Variants in RBMS1 observed in about 807,000 individuals in gnomAD.
RBMS1 encodes RNA binding motif single stranded interacting protein 1.
RBMS1 carries 17 observed loss-of-function variants against 62.3 expected under a neutral mutation model. That is an observed-to-expected ratio of 0.27 (90% CI 0.19 to 0.41). The LOEUF (loss-of-function observed/expected upper bound fraction) is 0.41. Ranked by LOEUF, RBMS1 falls within the 10% of genes least tolerant of loss-of-function variation. RBMS1 has a pLI of 1.00. For synonymous variants in RBMS1, 172 were observed against 170.0 expected, an observed-to-expected ratio of 1.01 and a Z score of -0.09; for missense variants, 334 against 504.5, an observed-to-expected ratio of 0.66 and a Z score of 3.24.
intron 1 of RBMS1, among the ~76,000 whole-genome samples, chr2:160,381,797 A>C (rs1694297866): frequency 6.6e-6 from 1 of 152,238 alleles, no homozygotes; most frequent in African/African-American, 2.4e-5. Flanking sequence ...TTGGCTCAAG[A>C]AACTGGTTGC....
chr2:160,436,370 C>T (rs549826190), intron 1 of RBMS1, among the ~76,000 whole-genome samples: 1 of 152,222 alleles, frequency 6.6e-6, no homozygotes, highest in Admixed American at 6.5e-5. Context: ...AACAATAAAG[C>T]AAGGGGCACC....
At position 160,284,813 on chromosome 2, in the gene RBMS1, T is replaced by C. The variant is rs763953512; in HGVS notation, c.862A>G (p.Ile288Val). The part of the protein sequence containing the change: ...ATNRMITQTS[I>V]TPYIASPVSA... ...ACAGGAGATGCAATATAGGGTGTAATAGAAGTTTGAGTGATCATTCGGTTT... is the reference window on the plus strand; with the variant it reads ...ACAGGAGATGCAATATAGGGTGTAACAGAAGTTTGAGTGATCATTCGGTTT... The change falls in exon 9 of 14, where the codon ATT (isoleucine) becomes GTT (valine). Residue 288 changes from isoleucine (I) to valine (V), a missense_variant. Transcript: ENST00000348849. 7.5e-6 allele frequency: 12 copies of C among 1,610,292 alleles called. No homozygotes were observed. The highest frequency in any genetic ancestry group is 3.3e-5 in the Admixed American group (2 of 59,998).
At chr2:160,383,111 T>G (rs1694364081) in intron 1 of RBMS1, among the ~76,000 whole-genome samples, 1 of 152,136 alleles carries the variant, frequency 6.6e-6, no homozygotes, top group Admixed American at 6.5e-5. Context: ...CTGGGTAGAT[T>G]AAAACAACAG....
At chr2:160,302,388 TCTCA>T (rs937598597) in intron 5 of RBMS1, 3 of 150,746 alleles carry the variant, frequency 2.0e-5, no homozygotes, top group African/African-American at 7.3e-5. Context: ...AGAGAAAGGG[TCTCA>T]CTATGTTGCC....
At chr2:160,489,743 T>C (rs989748036) in intron 1 of RBMS1, among the ~76,000 whole-genome samples, 14 of 152,136 alleles carry the variant, frequency 9.2e-5, no homozygotes, top group Non-Finnish European at 1.6e-4. Flanking sequence ...TTCTTCAGCA[T>C]GGAAAACAAT....
chr2:160,318,078 C>A, intron 3 of RBMS1, 91 bp downstream of exon 3: 1 of 1,531,534 alleles, frequency 6.5e-7, no homozygotes, highest in Non-Finnish European at 8.8e-7. Flanking sequence ...TTTAATAAAA[C>A]GAAGGTGGTT....
chr2:160,426,003 C>T (rs758070206), intron 1 of RBMS1, among the ~76,000 whole-genome samples: 1 of 152,000 alleles, frequency 6.6e-6, no homozygotes, highest in African/African-American at 2.4e-5. Context: ...AACAGCAAGT[C>T]CACTTAAGAA....
chr2:160,351,149 G>C (rs1692473449), intron 2 of RBMS1, among the ~76,000 whole-genome samples: 1 of 150,786 alleles, frequency 6.6e-6, no homozygotes. Context: ...ACACAGGAAG[G>C]GGAACACCAC....
chr2:160,451,166 A>AAAAAAAAAAAAAT (rs985879438), intron 1 of RBMS1, among the ~76,000 whole-genome samples: 1 of 150,392 alleles, frequency 6.6e-6, no homozygotes, highest in African/African-American at 2.4e-5. Context: ...CAGAAAAAAA[A>AAAAAAAAAAAAAT]AAATAAATAA....
At chr2:160,480,066 T>A (rs923717548) in intron 1 of RBMS1, among the ~76,000 whole-genome samples, 1 of 152,118 alleles carries the variant, frequency 6.6e-6, no homozygotes, top group Non-Finnish European at 1.5e-5. Flanking sequence ...TTTTATTGCT[T>A]AGAAGTTGGT....
At position 160,272,783 on chromosome 2, in the gene RBMS1, C is replaced by G. The variant is rs578157898; in HGVS notation, c.*1989G>C. ...AAAACAAAAACAAAAACACATTTCT[C>G]TTATGACTATGTAATTTTCACTAGA... On this transcript the variant is annotated 3_prime_UTR_variant, in exon 14 of 14. Coordinates refer to ENST00000348849, the MANE Select transcript of RBMS1 (RefSeq NM_016836.4). The G allele has an allele frequency of 6.6e-6, 1 of 151,850 alleles. No individual in the cohort carries two copies. The highest frequency in any genetic ancestry group is 1.5e-5 in the Non-Finnish European group (1 of 67,946). The allele number at this position is 151,850 out of a possible 1,614,324, so 9.4% of individuals were successfully genotyped here.
At chr2:160,432,887 G>C (rs902325587) in intron 1 of RBMS1, among the ~76,000 whole-genome samples, 4 of 151,728 alleles carry the variant, frequency 2.6e-5, no homozygotes, top group African/African-American at 9.7e-5. Flanking sequence ...TCACTTAATG[G>C]TTTGGAATTC....
chr2:160,396,610 G>T (rs1230503005), intron 1 of RBMS1, among the ~76,000 whole-genome samples: 2 of 135,954 alleles, frequency 1.5e-5, no homozygotes, highest in Non-Finnish European at 3.1e-5. Context: ...CTGTTGCCTA[G>T]GCTGGAGTAC....
chr2:160,412,680 G>A (rs1438613606), intron 1 of RBMS1, among the ~76,000 whole-genome samples: 1 of 152,216 alleles, frequency 6.6e-6, no homozygotes, highest in East Asian at 1.9e-4. Context: ...TGCTATGGGA[G>A]TCCACAGCAG....
chr2:160,309,513 G>A (rs1174507682), intron 4 of RBMS1, among the ~76,000 whole-genome samples: 2 of 152,122 alleles, frequency 1.3e-5, no homozygotes, highest in African/African-American at 2.4e-5. Flanking sequence ...AGGCTGCTTC[G>A]AGGGGAAGAA....
chr2:160,448,195 A>AT lies in RBMS1; in HGVS notation c.75+45093dup, dbSNP rs533396365. Among the ~76,000 whole-genome samples, 14 of 152,214 alleles carry AT rather than the reference A, an allele frequency of 9.2e-5. No homozygotes were observed. In the South Asian group the frequency reaches 2.9e-3, roughly 32 times the overall value. ...AGCTCTAATATATTTTAGTCTAATA[A>AT]TTTTTTTAGAAAGTTGTATTCATTT... On this transcript the variant is annotated intron_variant, in intron 1 of 13. Transcript: ENST00000348849.
intron 2 of RBMS1, among the ~76,000 whole-genome samples, chr2:160,345,037 C>A (rs1030703174): frequency 7.2e-5 from 11 of 152,110 alleles, no homozygotes; most frequent in African/African-American, 1.9e-4. Context: ...TAGAATGTTA[C>A]TATTTTACGC....
At chr2:160,281,477 A>T (rs932190969) in intron 9 of RBMS1, 113 bp from the exon 10 acceptor site, 30 of 808,706 alleles carry the variant, frequency 3.7e-5, no homozygotes, top group Non-Finnish European at 5.5e-5. Flanking sequence ...ACAAGGAAAC[A>T]ATACTATCAA....
At chr2:160,407,867 C>T in intron 1 of RBMS1, 5 of 981,222 alleles carry the variant, frequency 5.1e-6, no homozygotes, top group Non-Finnish European at 6.0e-6. Context: ...AGCAGCGCCG[C>T]CGCGTCCCCA....
Sources: allele counts gnomAD v4.1 joint callset (sites outside exome capture counted in the v4.1 genomes callset), GRCh38; gene constraint gnomAD v4.1.1; transcripts MANE v1.5; gene names NCBI Gene and HGNC (gene_info 2026-07-23, HGNC 2026-07-21).